The following TPTE2 variants were observed in gnomAD, a reference collection of about 807,000 sequenced individuals.
The protein encoded by TPTE2 is phosphatidylinositol 3,4,5-trisphosphate 3-phosphatase TPTE2.
TPTE2 carries 53 observed loss-of-function variants against 78.6 expected under a neutral mutation model. That is an observed-to-expected ratio of 0.67 (90% confidence interval 0.54 to 0.85). The LOEUF is 0.85. TPTE2 is among the 40% of genes least tolerant of loss of function. The probability of loss-of-function intolerance (pLI) is 0.00; values close to 1 mark genes in which losing one functional copy is unlikely to be tolerated. For missense variants in TPTE2, 461 were observed against 623.0 expected, an observed-to-expected ratio of 0.74 and a Z score of 2.77; for synonymous variants, 175 against 206.2, an observed-to-expected ratio of 0.85 and a Z score of 1.30.
chr13:19,477,044 G>C (rs547858783), intron 4 of TPTE2, among the ~76,000 whole-genome samples: 1 of 152,162 alleles, frequency 6.6e-6, no homozygotes, highest in African/African-American at 2.4e-5. Flanking sequence ...AAAAAAGAAT[G>C]AGATCATGTA....
At chr13:19,460,426 T>C (rs1361232079) in intron 10 of TPTE2, among the ~76,000 whole-genome samples, 3 of 152,250 alleles carry the variant, frequency 2.0e-5, no homozygotes, top group African/African-American at 4.8e-5. Context: ...GTTATCTCAG[T>C]TGAAGGTGCT....
intron 6 of TPTE2, among the ~76,000 whole-genome samples, chr13:19,469,203 G>A (rs1469110310): frequency 7.2e-5 from 11 of 152,098 alleles, no homozygotes; most frequent in Non-Finnish European, 1.2e-4. Context: ...TTTTGTATAC[G>A]GTGAGAGGTA....
At chr13:19,464,612 C>T (rs889673617) in intron 9 of TPTE2, 92 bp from the exon 13 acceptor site, 1 of 1,400,784 alleles carries the variant, frequency 7.1e-7, no homozygotes. Context: ...ACTCCATTTT[C>T]ACAGAAAAAA....
chr13:19,433,367 A>G (rs1156375062), intron 15 of TPTE2, among the ~76,000 whole-genome samples: 2 of 152,106 alleles, frequency 1.3e-5, no homozygotes, highest in Non-Finnish European at 2.9e-5. Flanking sequence ...GGCCATGCGT[A>G]GTGATGGGCA....
At chr13:19,546,554 A>G in the TPTE2 span, among the ~76,000 whole-genome samples, 1 of 136,286 alleles carries the variant, frequency 7.3e-6, no homozygotes, top group Non-Finnish European at 1.5e-5. Flanking sequence ...CAATAGCACA[A>G]TCTCAGCTCA....
the TPTE2 span, among the ~76,000 whole-genome samples, chr13:19,556,924 A>G: frequency 2.0e-5 from 3 of 152,036 alleles, no homozygotes; most frequent in Non-Finnish European, 2.9e-5. Context: ...TTTAATGTCA[A>G]GCAAGAGGAC....
the TPTE2 span, among the ~76,000 whole-genome samples, chr13:19,555,992 T>C: frequency 6.6e-6 from 1 of 152,024 alleles, no homozygotes; most frequent in South Asian, 2.1e-4. Context: ...TTTGTATTTT[T>C]AGTAGAGACA....
chr13:19,538,701 G>A (rs1265136080), upstream of TPTE2, among the ~76,000 whole-genome samples: 1 of 151,634 alleles, frequency 6.6e-6, no homozygotes, highest in Non-Finnish European at 1.5e-5. Flanking sequence ...ATTTTTAGTG[G>A]AGACAGGGTT....
chr13:19,479,456 CA>C (rs1175350559), intron 4 of TPTE2, among the ~76,000 whole-genome samples: 1 of 151,936 alleles, frequency 6.6e-6, no homozygotes, highest in East Asian at 1.9e-4. Context: ...GGGATAAAAA[CA>C]AATCAATTAA....
At chr13:19,506,233 G>C (rs1207694852), upstream of TPTE2, among the ~76,000 whole-genome samples, 12 of 122,550 alleles carry the variant, frequency 9.8e-5, no homozygotes, top group Middle Eastern at 5.4e-3. Flanking sequence ...GTGCAGTGGC[G>C]GGATCTCGGC....
At chr13:19,549,193 AC>A in the TPTE2 span, among the ~76,000 whole-genome samples, 3 of 152,168 alleles carry the variant, frequency 2.0e-5, no homozygotes, top group South Asian at 6.2e-4. Flanking sequence ...GAGCTTCTGC[AC>A]AAAAAAAGAA....
At chr13:19,451,302 G>T (rs1593363251) in intron 10 of TPTE2, 77 bp from the exon 14 acceptor site, 3 of 1,577,502 alleles carry the variant, frequency 1.9e-6, no homozygotes, top group East Asian at 4.5e-5. Context: ...ACCTAAAATG[G>T]TTATTACTTT....
chr13:19,503,130 T>C (rs1393063706), intron 1 of TPTE2, 94 bp downstream of exon 4: 2 of 1,564,552 alleles, frequency 1.3e-6, no homozygotes, highest in African/African-American at 1.4e-5. Flanking sequence ...CATGGATGCA[T>C]GGATGGATAT....
intron 4 of TPTE2, among the ~76,000 whole-genome samples, chr13:19,478,815 GA>G (rs1880135828): frequency 6.6e-6 from 1 of 152,106 alleles, no homozygotes; most frequent in South Asian, 2.1e-4. Flanking sequence ...ATACACCATG[GA>G]ATACTATGCA....
chr13:19,453,704 C>T (rs1878352916), intron 10 of TPTE2, among the ~76,000 whole-genome samples: 1 of 152,024 alleles, frequency 6.6e-6, no homozygotes. Context: ...CAAGAATCTA[C>T]ATTTTTCTGG....
intron 4 of TPTE2, 111 bp downstream of exon 7, chr13:19,482,377 A>G: frequency 8.0e-7 from 1 of 1,252,342 alleles, no homozygotes; most frequent in Non-Finnish European, 1.1e-6. Flanking sequence ...ATACATTTTG[A>G]TATCTTTCCA....
intron 3 of TPTE2, among the ~76,000 whole-genome samples, chr13:19,484,846 C>T (rs1880561225): frequency 6.6e-6 from 1 of 151,828 alleles, no homozygotes; most frequent in Non-Finnish European, 1.5e-5. Flanking sequence ...TTTTTGCATC[C>T]CTTCATTATC....
chr13:19,506,328 C>T (rs898319302), upstream of TPTE2, among the ~76,000 whole-genome samples: 7 of 150,430 alleles, frequency 4.7e-5, no homozygotes, highest in East Asian at 2.0e-4. Flanking sequence ...CCCGCCACTA[C>T]GCCCGGCTAA....
rs537621183 is a variant in TPTE2, at chr13:19,497,148, T to G, written c.12-3647A>C. On this transcript the variant is annotated intron_variant, in intron 1 of 19. Transcript: ENST00000400230. Reference sequence around the variant, plus strand: ...ATCCCGCACCTGTCTTGGAGGGTCCTACGCCCACGGAGTCTCGCTGATTGC... The same window carrying G: ...ATCCCGCACCTGTCTTGGAGGGTCCGACGCCCACGGAGTCTCGCTGATTGC... Among the ~76,000 whole-genome samples the G allele has an allele frequency of 1.3e-4, 20 of 152,018 alleles. No individual in the cohort carries two copies. The East Asian group carries it at 3.5e-3, about 27-fold the overall frequency.
Sources: allele counts gnomAD v4.1 joint callset (sites outside exome capture counted in the v4.1 genomes callset), GRCh38; gene constraint gnomAD v4.1.1; transcripts MANE v1.5; gene names NCBI Gene and HGNC (gene_info 2026-07-23, HGNC 2026-07-21).